Variants in PALLD observed in about 807,000 individuals in gnomAD.
The protein encoded by PALLD is palladin.
PALLD carries 61 observed loss-of-function variants against 123.5 expected under a neutral mutation model. The observed-to-expected ratio is 0.49, with a 90% CI of 0.40 to 0.61. The LOEUF is 0.61. Ranked by LOEUF, PALLD falls within the 20% of genes least tolerant of loss-of-function variation. The pLI is 0.00. For missense variants in PALLD, 1,273 were observed against 1,377.0 expected, an observed-to-expected ratio of 0.92 and a Z score of 1.20; for synonymous variants, 465 against 496.4, an observed-to-expected ratio of 0.94 and a Z score of 0.84.
intron 2 of PALLD, among the ~76,000 whole-genome samples, chr4:168,521,126 A>T (rs1037547288): frequency 6.6e-6 from 1 of 152,182 alleles, no homozygotes; most frequent in African/African-American, 2.4e-5. Context: ...CTTGTGCCAT[A>T]GATCTTTTAT....
chr4:168,585,314 G>T (rs1315684623), intron 2 of PALLD, among the ~76,000 whole-genome samples: 1 of 152,038 alleles, frequency 6.6e-6, no homozygotes, highest in Non-Finnish European at 1.5e-5. Context: ...GTGTGTGTGT[G>T]TGTGTGTGTG....
intron 15 of PALLD, among the ~76,000 whole-genome samples, chr4:168,904,911 C>T (rs1482234913): frequency 1.3e-5 from 2 of 151,926 alleles, no homozygotes; most frequent in African/African-American, 4.8e-5. Flanking sequence ...TGGATTGCCT[C>T]AGCCCCGGAG....
intron 10 of PALLD, among the ~76,000 whole-genome samples, chr4:168,797,784 G>T (rs951568669): frequency 1.3e-5 from 2 of 151,988 alleles, no homozygotes; most frequent in African/African-American, 4.8e-5. Flanking sequence ...TTTGTTTGTT[G>T]TTATACCGAT....
intron 2 of PALLD, among the ~76,000 whole-genome samples, chr4:168,604,556 A>C (rs1036586120): frequency 3.9e-5 from 6 of 152,260 alleles, no homozygotes; most frequent in Non-Finnish European, 8.8e-5. Context: ...TGATTAAGGC[A>C]TACAGAGAAT....
In PALLD at chr4:168,746,380, C is replaced by CAAA. The variant is rs747755592; in HGVS notation, c.1964+34485_1964+34487dup. 3.3e-3 allele frequency among the ~76,000 whole-genome samples: 121 copies of CAAA among 36,988 alleles called. 13 individuals are homozygous for CAAA. Among genetic ancestry groups the CAAA allele is most frequent in the Admixed American group, 4.4e-3 (9 of 2,030 alleles). 24.3% of individuals were successfully genotyped at this position (36,988 alleles called of 152,430 possible). A position where few individuals can be genotyped will look rare whatever the true frequency, so the allele number is the denominator to read the frequency against. ...TGGGCGACAGAGCGAGAACCCGTCT[C>CAAA]AAAAAAAAAAAAAAAAAAAAAAAAA... On this transcript the variant is annotated intron_variant, in intron 10 of 21. Transcript: ENST00000505667.
chr4:168,670,369 G>A (rs1478374817), intron 3 of PALLD, among the ~76,000 whole-genome samples: 1 of 152,202 alleles, frequency 6.6e-6, no homozygotes, highest in East Asian at 1.9e-4. Context: ...AGGTATAAAT[G>A]TGGTTAAGAG....
chr4:168,740,706 C>A (rs1347252981), intron 10 of PALLD, among the ~76,000 whole-genome samples: 1 of 152,120 alleles, frequency 6.6e-6, no homozygotes, highest in Non-Finnish European at 1.5e-5. Context: ...CCAAAAGAGC[C>A]AGTCAGGTTA....
At chr4:168,511,231 G>A (rs529866010) in intron 1 of PALLD, among the ~76,000 whole-genome samples, 192 bp from the exon 2 acceptor site, 8 of 152,258 alleles carry the variant, frequency 5.3e-5, no homozygotes, top group Admixed American at 4.6e-4. Flanking sequence ...ATATTTGATA[G>A]CACTCACAGG....
chr4:168,741,150 G>A (rs1788285648), intron 10 of PALLD, among the ~76,000 whole-genome samples: 1 of 152,096 alleles, frequency 6.6e-6, no homozygotes, highest in African/African-American at 2.4e-5. Context: ...TCAAACTCTG[G>A]ATGGCGGATC....
intron 8 of PALLD, among the ~76,000 whole-genome samples, chr4:168,704,632 T>G (rs1392272756): frequency 1.6e-5 from 2 of 127,386 alleles, no homozygotes; most frequent in African/African-American, 6.1e-5. Flanking sequence ...CCACTGCACC[T>G]CCAGCCTGGG....
intron 10 of PALLD, among the ~76,000 whole-genome samples, chr4:168,858,228 A>G (rs1748897215): frequency 6.6e-6 from 1 of 152,344 alleles, no homozygotes; most frequent in Non-Finnish European, 1.5e-5. Flanking sequence ...GAGGGCTGCT[A>G]ACTATATTTA....
chr4:168,742,415 G>C (rs925171551), intron 10 of PALLD, among the ~76,000 whole-genome samples: 1 of 152,208 alleles, frequency 6.6e-6, no homozygotes, highest in Non-Finnish European at 1.5e-5. Flanking sequence ...TTTGAAATAA[G>C]TCACTGAGAG....
chr4:168,634,592 G>C (rs181820929), intron 2 of PALLD, among the ~76,000 whole-genome samples: 1 of 152,192 alleles, frequency 6.6e-6, no homozygotes, highest in South Asian at 2.1e-4. Flanking sequence ...GTGCCTGAGC[G>C]AGGGGAGTGG....
chr4:168,686,155 A>G (rs1782025545), intron 6 of PALLD, among the ~76,000 whole-genome samples: 1 of 152,114 alleles, frequency 6.6e-6, no homozygotes, highest in South Asian at 2.1e-4. Context: ...ATTAATCTGT[A>G]TTTAATGTAA....
At chr4:168,717,863 T>G (rs895893670) in intron 10 of PALLD, among the ~76,000 whole-genome samples, 1 of 152,252 alleles carries the variant, frequency 6.6e-6, no homozygotes, top group South Asian at 2.1e-4. Context: ...AACTCCTTCC[T>G]CATTTCTTCT....
At chr4:168,920,537 G>A (rs1403052751) in intron 17 of PALLD, among the ~76,000 whole-genome samples, 1 of 152,132 alleles carries the variant, frequency 6.6e-6, no homozygotes, top group Non-Finnish European at 1.5e-5. Context: ...CCTTAACAGT[G>A]CATTTCTTCC....
chr4:168,625,502 G>GATATATATATATATATATATAT lies in PALLD; in HGVS notation c.909-42672_909-42671insATATATATATATATATATATAT, dbSNP rs756984622. 4.0e-4 allele frequency among the ~76,000 whole-genome samples: 46 copies of GATATATATATATATATATATAT among 114,452 alleles called. 2 individuals are homozygous for GATATATATATATATATATATAT. The highest frequency in any genetic ancestry group is 6.0e-4 in the African/African-American group (18 of 30,012). 75.1% of individuals were successfully genotyped at this position (114,452 alleles called of 152,430 possible). A position where few individuals can be genotyped will look rare whatever the true frequency, so the allele number is the denominator to read the frequency against. ...TCCAATAAGGGATTAATATCCAGGA[G>GATATATATATATATATATATAT]ATATATATATATATATCCTATAAGG... On this transcript the variant is annotated intron_variant, in intron 2 of 21. Coordinates refer to ENST00000505667, the MANE Select transcript of PALLD (RefSeq NM_001166108.2).
intron 10 of PALLD, among the ~76,000 whole-genome samples, chr4:168,815,685 C>T (rs187584117): frequency 5.9e-5 from 9 of 152,210 alleles, no homozygotes; most frequent in East Asian, 1.9e-4. Context: ...TTGGTTGGAG[C>T]GGATAGCCCA....
chr4:168,635,822 AT>A (rs1388574028), intron 2 of PALLD, among the ~76,000 whole-genome samples: 2 of 152,158 alleles, frequency 1.3e-5, no homozygotes, highest in Non-Finnish European at 2.9e-5. Flanking sequence ...GTGTCCAGGG[AT>A]TTAAAGGAAA....
Sources: allele counts gnomAD v4.1 joint callset (sites outside exome capture counted in the v4.1 genomes callset), GRCh38; gene constraint gnomAD v4.1.1; transcripts MANE v1.5; gene names NCBI Gene and HGNC (gene_info 2026-07-23, HGNC 2026-07-21).